CCDC90B: variants seen among roughly 807,000 people sequenced by gnomAD.
CCDC90B encodes coiled-coil domain-containing protein 90B, mitochondrial.
CCDC90B carries 24 observed loss-of-function variants against 37.0 expected under a neutral mutation model. That is an observed-to-expected ratio of 0.65 (90% CI 0.47 to 0.91). The LOEUF (loss-of-function observed/expected upper bound fraction) is 0.91, where lower values mean the gene tolerates loss of function less well. Among genes scored for constraint, CCDC90B ranks in the 40% least tolerant of loss-of-function variants. The pLI, the probability that CCDC90B is intolerant of heterozygous loss-of-function variation, is 0.00. For missense variants in CCDC90B, 319 were observed against 299.0 expected, an observed-to-expected ratio of 1.07 and a Z score of -0.49; for synonymous variants, 113 against 101.1, an observed-to-expected ratio of 1.12 and a Z score of -0.71.
chr11:83,285,677 G>A (rs903660610), intron 1 of CCDC90B, 196 bp downstream of exon 1: 25 of 1,417,310 alleles, frequency 1.8e-5, no homozygotes, highest in Non-Finnish European at 2.3e-5. Flanking sequence ...GAAAGGCAGT[G>A]CTTTCCTCAG....
intron 3 of CCDC90B, among the ~76,000 whole-genome samples, chr11:83,276,504 T>C (rs1012405895): frequency 6.6e-6 from 1 of 152,104 alleles, no homozygotes; most frequent in Non-Finnish European, 1.5e-5. Context: ...CCCACCATCA[T>C]GCCTGGCTAA....
rs1009146733 is a variant in CCDC90B, at chr11:83,278,717, G to A, written c.324+9C>T. 2 of 1,526,520 alleles carry A rather than the reference G, an allele frequency of 1.3e-6. No homozygotes were observed. Among genetic ancestry groups the A allele is most frequent in the African/African-American group, 1.4e-5 (1 of 73,328 alleles). 94.6% of individuals were successfully genotyped at this position (1,526,520 alleles called of 1,614,324 possible). ...AAAGTATCAGAAGTGATAGTAATCAGTGTATTACCTGTTGAGCTTGAGTGA... is the reference window on the plus strand; with the variant it reads ...AAAGTATCAGAAGTGATAGTAATCAATGTATTACCTGTTGAGCTTGAGTGA... On this transcript the variant is annotated intron_variant, in intron 3 of 8. Coordinates refer to ENST00000529689, the MANE Select transcript of CCDC90B (RefSeq NM_021825.5).
intron 8 of CCDC90B, 63 bp downstream of exon 8, chr11:83,265,802 C>G (rs1222185173): frequency 2.7e-5 from 28 of 1,041,356 alleles, no homozygotes; most frequent in African/African-American, 6.3e-5. Context: ...TGCTCAGTTA[C>G]CTTGATAGGT....
intron 3 of CCDC90B, among the ~76,000 whole-genome samples, chr11:83,277,902 A>G (rs1408529480): frequency 6.6e-6 from 1 of 152,216 alleles, no homozygotes; most frequent in African/African-American, 2.4e-5. Context: ...TCTGTGCTGT[A>G]AAATACTTAT....
At chr11:83,266,768 G>A (rs531041818) in intron 7 of CCDC90B, 17 of 152,436 alleles carry the variant, frequency 1.1e-4, no homozygotes, top group East Asian at 9.6e-4. Context: ...TCACGACAGC[G>A]TTTGAGCTCT....
At chr11:83,272,874 T>C (rs1006418640) in intron 7 of CCDC90B, among the ~76,000 whole-genome samples, 3 of 152,200 alleles carry the variant, frequency 2.0e-5, no homozygotes, top group East Asian at 1.9e-4. Flanking sequence ...CATGATTACA[T>C]TGTAGGATTA....
At chr11:83,285,779 C>G (rs1291592426) in intron 1 of CCDC90B, 94 bp downstream of exon 1, 2 of 1,496,062 alleles carry the variant, frequency 1.3e-6, no homozygotes, top group South Asian at 2.6e-5. Context: ...GGGCGTGGCA[C>G]CTTCTCTTCC....
At chr11:83,262,237 C>T (rs1316719250) in intron 8 of CCDC90B, among the ~76,000 whole-genome samples, 1 of 152,024 alleles carries the variant, frequency 6.6e-6, no homozygotes, top group Non-Finnish European at 1.5e-5. Context: ...TTAACGCTAG[C>T]ATTATTGACT....
intron 7 of CCDC90B, among the ~76,000 whole-genome samples, chr11:83,270,065 C>G (rs1025681274): frequency 4.9e-4 from 75 of 152,322 alleles, no homozygotes; most frequent in African/African-American, 1.7e-3. Flanking sequence ...ACATGATTAT[C>G]TCAACAGATG....
chr11:83,276,943 T>A (rs1254732927), intron 3 of CCDC90B, among the ~76,000 whole-genome samples: 2 of 152,156 alleles, frequency 1.3e-5, no homozygotes, highest in Non-Finnish European at 2.9e-5. Flanking sequence ...TGGCCCTTTC[T>A]GAAGTGATCA....
At chr11:83,271,131 G>A (rs1864632190) in intron 7 of CCDC90B, among the ~76,000 whole-genome samples, 1 of 152,132 alleles carries the variant, frequency 6.6e-6, no homozygotes, top group Non-Finnish European at 1.5e-5. Context: ...ATTCAAGATG[G>A]ATTAAAGACT....
In CCDC90B at chr11:83,274,011, A is replaced by T. The variant is rs759553690; in HGVS notation, c.427-19T>A. 6.6e-7 allele frequency: 1 copy of T among 1,518,770 alleles called. No homozygotes were observed. Among genetic ancestry groups the T allele is most frequent in the East Asian group, 2.3e-5 (1 of 43,690 alleles). The allele number at this position is 1,518,770 out of a possible 1,614,324, so 94.1% of individuals were successfully genotyped here. On this transcript the variant is annotated intron_variant, in intron 4 of 8. Transcript: ENST00000529689. ...TCATTTTCTAGGTACAGGAAAGATC[A>T]CATGCAATTAGCATTAAACCAAGTC... is the stretch of plus-strand genomic sequence containing the variant.
In CCDC90B at chr11:83,280,200, A is replaced by G. The variant is rs755152154; in HGVS notation, c.161T>C (p.Leu54Ser). The G allele has an allele frequency of 1.6e-5, 26 of 1,613,288 alleles. No homozygotes were observed. The highest frequency in any genetic ancestry group is 1.9e-5 in the Non-Finnish European group (23 of 1,179,770). Reference sequence around the variant, plus strand: ...ATCAAAAGTTAATTTCCTTTGTTCTAAAGGAGTTATATCCACTGGCCGCCT... The same window carrying G: ...ATCAAAAGTTAATTTCCTTTGTTCTGAAGGAGTTATATCCACTGGCCGCCT... ...YDRRPVDITPLEQRKLTFDTH... is the reference protein window; with the variant it reads ...YDRRPVDITPSEQRKLTFDTH... Residue 54 changes from leucine (L) to serine (S), a missense_variant, in exon 2 of 9, where the codon TTA (leucine) becomes TCA (serine). By Grantham distance (145) the Leu-to-Ser change is moderately radical. Transcript: ENST00000529689.
chr11:83,264,859 CA>C (rs1480564960), intron 8 of CCDC90B, among the ~76,000 whole-genome samples: 5 of 149,114 alleles, frequency 3.4e-5, no homozygotes, highest in Non-Finnish European at 7.4e-5. Flanking sequence ...ATCACAAGAA[CA>C]AAAAACCAAA....
intron 1 of CCDC90B, among the ~76,000 whole-genome samples, chr11:83,282,369 A>G (rs755977336): frequency 6.6e-6 from 1 of 152,248 alleles, no homozygotes; most frequent in Non-Finnish European, 1.5e-5. Flanking sequence ...AAGTTAAACT[A>G]TCTTAAGTTG....
intron 3 of CCDC90B, among the ~76,000 whole-genome samples, chr11:83,277,824 C>T (rs1440362242): frequency 1.3e-5 from 2 of 151,954 alleles, no homozygotes; most frequent in Non-Finnish European, 2.9e-5. Flanking sequence ...ATCTTTTGAT[C>T]TACCATGACC....
chr11:83,271,967 G>A (rs1332191163), intron 7 of CCDC90B, among the ~76,000 whole-genome samples: 1 of 152,172 alleles, frequency 6.6e-6, no homozygotes, highest in East Asian at 1.9e-4. Context: ...CCTTTGCAGG[G>A]ACATGGATGA....
intron 1 of CCDC90B, among the ~76,000 whole-genome samples, chr11:83,281,385 C>A (rs992687769): frequency 6.6e-6 from 1 of 152,080 alleles, no homozygotes; most frequent in African/African-American, 2.4e-5. Context: ...GATATTCTCA[C>A]TGATTTTATG....
At chr11:83,273,758 A>T (rs1227547367) in intron 6 of CCDC90B, 35 bp downstream of exon 6, 1 of 1,601,452 alleles carries the variant, frequency 6.2e-7, no homozygotes, top group Non-Finnish European at 8.5e-7. Flanking sequence ...AAAAAGGAGT[A>T]AGTAACCAAG....
Sources: allele counts gnomAD v4.1 joint callset (sites outside exome capture counted in the v4.1 genomes callset), GRCh38; gene constraint gnomAD v4.1.1; transcripts MANE v1.5; gene names NCBI Gene and HGNC (gene_info 2026-07-23, HGNC 2026-07-21).